Variants in CHD9 observed in about 807,000 individuals in gnomAD.
CHD9 encodes ATP-dependent chromatin remodeler CHD9.
CHD9 carries 77 observed loss-of-function variants against 316.1 expected under a neutral mutation model. That is an observed-to-expected ratio of 0.24 (90% CI 0.20 to 0.29). CHD9 has a LOEUF of 0.29. Ranked by LOEUF, CHD9 falls within the 10% of genes least tolerant of loss-of-function variation. The probability of loss-of-function intolerance (pLI) is 1.00; values close to 1 mark genes in which losing one functional copy is unlikely to be tolerated. For missense variants in CHD9, 2,763 were observed against 3,438.1 expected (o/e 0.80, Z 4.91); for synonymous variants, 1,129 against 1,158.3 (o/e 0.97, Z 0.51).
chr16:53,196,743 A>G (rs1386540260), intron 2 of CHD9, among the ~76,000 whole-genome samples: 1 of 152,204 alleles, frequency 6.6e-6, no homozygotes, highest in African/African-American at 2.4e-5. Flanking sequence ...TTTAAAGACA[A>G]TGATCAGATC....
intron 7 of CHD9, 139 bp downstream of exon 7, chr16:53,227,742 G>A: frequency 4.4e-6 from 1 of 228,636 alleles, no homozygotes; most frequent in Non-Finnish European, 8.2e-6. Flanking sequence ...CATAACTCAA[G>A]AATCATTAAA....
intron 17 of CHD9, among the ~76,000 whole-genome samples, chr16:53,253,665 C>T (rs2050317760): frequency 6.6e-6 from 1 of 151,960 alleles, no homozygotes; most frequent in African/African-American, 2.4e-5. Context: ...AGAAATTTAG[C>T]GTTAGACTTT....
intron 2 of CHD9, among the ~76,000 whole-genome samples, chr16:53,172,155 C>G (rs954458277): frequency 1.2e-4 from 18 of 152,110 alleles, no homozygotes; most frequent in South Asian, 4.2e-4. Context: ...CTCATTACCC[C>G]CAAAAGTTCC....
intron 2 of CHD9, among the ~76,000 whole-genome samples, chr16:53,180,028 C>CTTTTTT (rs767442053): frequency 7.4e-6 from 1 of 135,582 alleles, no homozygotes; most frequent in Non-Finnish European, 1.6e-5. Flanking sequence ...ACCTTACCTT[C>CTTTTTT]TTTTTTTTTT....
At chr16:53,100,159 A>G (rs2036729010) in intron 1 of CHD9, among the ~76,000 whole-genome samples, 1 of 152,210 alleles carries the variant, frequency 6.6e-6, no homozygotes, top group African/African-American at 2.4e-5. Context: ...GGATAAACCT[A>G]CATGACTCAC....
intron 2 of CHD9, among the ~76,000 whole-genome samples, chr16:53,205,975 A>C (rs1022139432): frequency 6.6e-6 from 1 of 152,006 alleles, no homozygotes; most frequent in African/African-American, 2.4e-5. Context: ...AAATTAAGAC[A>C]GAGTTTCACT....
intron 1 of CHD9, among the ~76,000 whole-genome samples, chr16:53,116,767 A>T (rs1340909331): frequency 6.6e-6 from 1 of 152,216 alleles, no homozygotes; most frequent in East Asian, 1.9e-4. Context: ...ATAAAGATAT[A>T]TGCACAGGTA....
intron 1 of CHD9, among the ~76,000 whole-genome samples, chr16:53,152,339 A>C (rs2041188523): frequency 6.6e-5 from 10 of 152,066 alleles, no homozygotes; most frequent in Admixed American, 6.6e-4. Flanking sequence ...GTTCTGATAA[A>C]GTTGGTTCTG....
chr16:53,080,703 A>G (rs1381169278), intron 1 of CHD9, among the ~76,000 whole-genome samples: 1 of 152,202 alleles, frequency 6.6e-6, no homozygotes, highest in African/African-American at 2.4e-5. Context: ...CAGCCCAAAC[A>G]GCTTTTTCCA....
chr16:53,185,920 A>G (rs1332926530), intron 2 of CHD9, among the ~76,000 whole-genome samples: 3 of 152,230 alleles, frequency 2.0e-5, no homozygotes, highest in Admixed American at 1.3e-4. Context: ...AGATACATGG[A>G]AAGGCTTGGA....
At chr16:53,111,858 G>A (rs1362790) in intron 1 of CHD9, among the ~76,000 whole-genome samples, 41,382 of 151,996 alleles carry the variant, frequency 0.27, 7,035 homozygotes, top group Non-Finnish European at 0.38. Flanking sequence ...TCACTCAACT[G>A]GCCTTAAAAA....
chr16:53,308,755 G>T lies in CHD9; in HGVS notation c.7123G>T (p.Gly2375Cys). The T allele has an allele frequency of 6.2e-7, 1 of 1,613,362 alleles. No homozygotes were observed. Among genetic ancestry groups the T allele is most frequent in the Non-Finnish European group, 8.5e-7 (1 of 1,179,572 alleles). ...GAAAAGACCATTTGATGGTGAAGAC[G>T]GTGCTCTGGGGCAGCAGCAGTACCT... ...AQKRPFDGED[G>C]ALGQQQYLTR... is the part of the protein sequence containing the mutation. Residue 2375 changes from glycine to cysteine, a missense_variant, in exon 34 of 39, where the codon GGT becomes TGT. Gly to Cys is a radical substitution (Grantham distance 159). Around this residue, in one of 15 missense-constraint regions of CHD9, gnomAD observed 663 missense variants for 751.2 expected, o/e 0.88. Coordinates refer to ENST00000447540, the MANE Select transcript of CHD9 (RefSeq NM_001308319.2).
chr16:53,069,239 A>G (rs527268723), intron 1 of CHD9, among the ~76,000 whole-genome samples: 1 of 152,158 alleles, frequency 6.6e-6, no homozygotes, highest in East Asian at 1.9e-4. Context: ...CCTAACCTCA[A>G]GTGATCCACC....
chr16:53,144,502 T>G (rs905597934), intron 1 of CHD9, among the ~76,000 whole-genome samples: 2 of 152,086 alleles, frequency 1.3e-5, no homozygotes, highest in Non-Finnish European at 2.9e-5. Context: ...TGTTGTGGCC[T>G]GGGCAACATA....
chr16:53,223,989 T>C (rs1300183573), intron 4 of CHD9, among the ~76,000 whole-genome samples: 1 of 152,182 alleles, frequency 6.6e-6, no homozygotes, highest in African/African-American at 2.4e-5. Context: ...AGTCCAACTA[T>C]ATTTAGAGAC....
intron 27 of CHD9, 124 bp from the exon 28 acceptor site, chr16:53,291,601 A>T: frequency 1.6e-6 from 1 of 606,310 alleles, no homozygotes. Context: ...TTGCTAAATT[A>T]ATTATTTAAC....
intron 1 of CHD9, among the ~76,000 whole-genome samples, chr16:53,139,034 G>A (rs1180724279): frequency 6.6e-6 from 1 of 151,966 alleles, no homozygotes; most frequent in Non-Finnish European, 1.5e-5. Flanking sequence ...AAGGCTAGAT[G>A]GAATTTTTTT....
rs1220047891 is a variant in CHD9 at position 53,327,253 on chromosome 16, T to A, written c.*2358T>A. The A allele has an allele frequency of 6.6e-6, 1 of 152,516 alleles. No homozygotes were observed. Among genetic ancestry groups the A allele is most frequent in the East Asian group, 1.9e-4 (1 of 5,198 alleles). 9.4% of individuals were successfully genotyped at this position (152,516 alleles called of 1,614,324 possible). ...ATGTGTTGGTAGTTACTAAAAGAAT[T>A]ATAGCTGTTATTGCCTTGTATTTAT... On this transcript the variant is annotated 3_prime_UTR_variant, in exon 39 of 39. Coordinates refer to ENST00000447540, the MANE Select transcript of CHD9 (RefSeq NM_001308319.2).
rs377291747 is a variant in CHD9 at position 53,286,374 on chromosome 16, A to G, written c.5189+31A>G. 7.4e-5 allele frequency: 85 copies of G among 1,144,014 alleles called. 2 individuals carry two copies. The highest frequency in any genetic ancestry group is 6.0e-4 in the Admixed American group (34 of 56,992). The allele number at this position is 1,144,014 out of a possible 1,614,324, so 70.9% of individuals were successfully genotyped here. On this transcript the variant is annotated intron_variant, in intron 26 of 38. Transcript: ENST00000447540. ...TGTGTTTCAGAGTCATGAATTTTCTATATATCTCTCTTCTATTCAATATCA... is the reference window on the plus strand; with the variant it reads ...TGTGTTTCAGAGTCATGAATTTTCTGTATATCTCTCTTCTATTCAATATCA...
Sources: gnomAD v4.1 joint callset for allele counts (sites outside exome capture counted in the v4.1 genomes callset) on GRCh38, gnomAD v4.1.1 for gene constraint, gnomAD v4.1.1 regional missense constraint, MANE v1.5 for transcripts, NCBI Gene and HGNC (gene_info 2026-07-23, HGNC 2026-07-21) for gene names.